GORASP2: variants seen among roughly 807,000 people sequenced by gnomAD.
GORASP2 encodes the protein golgi reassembly stacking protein 2.
In GORASP2, 22 loss-of-function variants were observed where a neutral mutation model predicts 45.7. That is an observed-to-expected ratio of 0.48 (90% confidence interval 0.34 to 0.69). GORASP2 has a LOEUF of 0.69. Among genes scored for constraint, GORASP2 ranks in the 30% least tolerant of loss-of-function variants. GORASP2 has a pLI of 0.01. For missense variants in GORASP2, 491 were observed against 562.7 expected (o/e 0.87, Z 1.29); for synonymous variants, 221 against 215.6 (o/e 1.02, Z -0.22).
intron 1 of GORASP2, among the ~76,000 whole-genome samples, chr2:170,935,328 C>CA (rs1313884741): frequency 6.6e-6 from 1 of 151,978 alleles, no homozygotes; most frequent in Non-Finnish European, 1.5e-5. Context: ...GATCTCAGCT[C>CA]ACTGCAACTT....
intron 1 of GORASP2, among the ~76,000 whole-genome samples, chr2:170,930,769 G>A (rs887134086): frequency 6.6e-6 from 1 of 152,190 alleles, no homozygotes; most frequent in African/African-American, 2.4e-5. Flanking sequence ...AAGGAGAATT[G>A]TCAGTTCCCA....
intron 5 of GORASP2, among the ~76,000 whole-genome samples, chr2:170,952,125 G>T (rs1460440256): frequency 1.3e-5 from 2 of 152,180 alleles, no homozygotes; most frequent in African/African-American, 2.4e-5. Context: ...CAAATTTTCA[G>T]TTTGCAATAG....
chr2:170,965,786 C>T lies in GORASP2; in HGVS notation c.1019-4C>T. The T allele has an allele frequency of 6.2e-7, 1 of 1,609,766 alleles. No homozygotes were observed. The highest frequency in any genetic ancestry group is 8.5e-7 in the Non-Finnish European group (1 of 1,176,096). Reference sequence around the variant, plus strand: ...ATGTATGATCTATGCCGTTTTTGTCCTAGGTCTGCCACCTCTTCCTTCCAT... The same window carrying T: ...ATGTATGATCTATGCCGTTTTTGTCTTAGGTCTGCCACCTCTTCCTTCCAT... On this transcript the variant is annotated splice_region_variant and splice_polypyrimidine_tract_variant and intron_variant, in intron 9 of 9. Transcript: ENST00000234160.
chr2:170,955,473 TAAG>T (rs950945630), intron 6 of GORASP2, among the ~76,000 whole-genome samples: 1 of 152,194 alleles, frequency 6.6e-6, no homozygotes, highest in African/African-American at 2.4e-5. Flanking sequence ...GAATGTTTCT[TAAG>T]GAGGTATCTC....
In GORASP2 at chr2:170,965,949, C is replaced by T. The variant is rs200636016; in HGVS notation, c.1178C>T (p.Ala393Val). The T allele has an allele frequency of 2.7e-5, 43 of 1,613,994 alleles. No individual in the cohort carries two copies. The East Asian group carries it at 6.9e-4, about 26-fold the overall frequency. The change falls in exon 10 of 10, where the codon GCA (alanine) becomes GTA (valine). Residue 393 changes from alanine (A) to valine (V), a missense_variant. Ala to Val is a moderately conservative substitution (Grantham distance 64). This residue lies in a region of GORASP2 where 297 missense variants were observed against 292.3 expected (regional missense o/e 1.02). Coordinates refer to ENST00000234160, the MANE Select transcript of GORASP2 (RefSeq NM_015530.5). The part of the protein sequence containing the change: ...LLSSLPPTSN[A>V]PSDPATTTAK... ...TCTTCCCTCCCGCCCACCAGCAACG[C>T]ACCCTCCGACCCTGCCACAACTACT...
intron 1 of GORASP2, among the ~76,000 whole-genome samples, chr2:170,947,650 T>G (rs925124157): frequency 6.6e-6 from 1 of 152,186 alleles, no homozygotes; most frequent in African/African-American, 2.4e-5. Flanking sequence ...CTGTATTTGC[T>G]TTGTAACTGA....
At chr2:170,936,946 C>T (rs1034701760) in intron 1 of GORASP2, among the ~76,000 whole-genome samples, 1 of 152,150 alleles carries the variant, frequency 6.6e-6, no homozygotes. Flanking sequence ...CGGTGGCTCA[C>T]GCCTGTAATC....
chr2:170,935,388 G>A (rs1366250722), intron 1 of GORASP2, among the ~76,000 whole-genome samples: 5 of 151,932 alleles, frequency 3.3e-5, no homozygotes, highest in African/African-American at 1.2e-4. Flanking sequence ...CCAAGTGGCT[G>A]GGATTATAGG....
At chr2:170,956,922 A>G (rs1341405863) in intron 7 of GORASP2, among the ~76,000 whole-genome samples, 3 of 152,186 alleles carry the variant, frequency 2.0e-5, no homozygotes, top group Non-Finnish European at 4.4e-5. Flanking sequence ...AGAATTTTAA[A>G]AAATTATTTT....
intron 1 of GORASP2, among the ~76,000 whole-genome samples, chr2:170,934,784 C>T (rs1440458072): frequency 2.0e-5 from 3 of 152,064 alleles, no homozygotes; most frequent in Non-Finnish European, 4.4e-5. Flanking sequence ...GTTGCCACGG[C>T]TGGAGTGCAG....
chr2:170,952,690 TTTTG>T lies in GORASP2; in HGVS notation c.566+1245_566+1248del, dbSNP rs559639211. On this transcript the variant is annotated intron_variant, in intron 5 of 9. Transcript: ENST00000234160. ...TCCCAGTCCAGTGAGAATTGCAGGG[TTTTG>T]TTTGTTTGTTTGGAGACAGCGTCTT... 1.7e-3 allele frequency among the ~76,000 whole-genome samples: 258 copies of T among 152,162 alleles called. 2 individuals are homozygous for T. Among genetic ancestry groups the T allele is most frequent in the Middle Eastern group, 0.014 (4 of 294 alleles).
chr2:170,951,549 TAC>T, intron 5 of GORASP2, 91 bp downstream of exon 5: 1 of 1,045,066 alleles, frequency 9.6e-7, no homozygotes, highest in East Asian at 2.5e-5. Flanking sequence ...TGAAAGAAAT[TAC>T]TGGTTTATTT....
chr2:170,961,763 G>C lies in GORASP2; in HGVS notation c.910+14G>C. On this transcript the variant is annotated intron_variant, in intron 8 of 9. Transcript: ENST00000234160. ...CTACATTACCAGGTAACCACCAGGG[G>C]ACTAGAGATGTGGCTGATAATAACA... The C allele has an allele frequency of 1.5e-6, 2 of 1,293,722 alleles. No homozygotes were observed. Among genetic ancestry groups the C allele is most frequent in the Non-Finnish European group, 2.3e-6 (2 of 887,090 alleles). 80.1% of individuals were successfully genotyped at this position (1,293,722 alleles called of 1,614,324 possible).
In GORASP2 at chr2:170,950,249, C is replaced by T. The variant is rs1237095516; in HGVS notation, c.394C>T (p.His132Tyr). 6.3e-7 allele frequency: 1 copy of T among 1,581,238 alleles called. No homozygotes were observed. Among genetic ancestry groups the T allele is most frequent in the Non-Finnish European group, 8.6e-7 (1 of 1,159,782 alleles). Residue 132 changes from histidine (H) to tyrosine (Y), a missense_variant, in exon 4 of 10, where the codon CAC becomes TAC. His to Tyr is a moderately conservative substitution (Grantham distance 83). This residue lies in a region of GORASP2 where 194 missense variants were observed against 270.4 expected (regional missense o/e 0.72). Transcript: ENST00000234160. ...SPAALAGLRP[H>Y]SDYIIGADTV... ...TGCAGCACTGGCAGGTCTTAGACCA[C>T]ACAGTGATTATATAATTGGAGCAGA...
intron 9 of GORASP2, among the ~76,000 whole-genome samples, chr2:170,963,936 C>T (rs968782052): frequency 6.6e-6 from 1 of 151,910 alleles, no homozygotes; most frequent in Admixed American, 6.6e-5. Flanking sequence ...TGAGCCATCT[C>T]ACCCAGCCAG....
Position 170,951,285 on chromosome 2 carries a change from A to G in GORASP2, c.436-43A>G, listed in dbSNP as rs773411144. 6.5e-6 allele frequency: 10 copies of G among 1,530,288 alleles called. No individual in the cohort carries two copies. The South Asian group carries it at 1.1e-4, about 18-fold the overall frequency. 94.8% of individuals were successfully genotyped at this position (1,530,288 alleles called of 1,614,324 possible). On this transcript the variant is annotated intron_variant, in intron 4 of 9. Coordinates refer to ENST00000234160, the MANE Select transcript of GORASP2 (RefSeq NM_015530.5). ...CCAGGTTTGAGACACACTGTTCCAA[A>G]GTATGGTAACGTGAAACATTTTCTC...
chr2:170,949,899 A>AT (rs558952912), intron 3 of GORASP2, 157 bp downstream of exon 3: 113 of 612,238 alleles, frequency 1.8e-4, no homozygotes, highest in Admixed American at 2.4e-4. Flanking sequence ...GTATGGATCA[A>AT]TTTTTTTTTA....
At chr2:170,943,373 T>C (rs187649603) in intron 1 of GORASP2, among the ~76,000 whole-genome samples, 1 of 152,262 alleles carries the variant, frequency 6.6e-6, no homozygotes, top group East Asian at 1.9e-4. Flanking sequence ...TATAAAGACT[T>C]ACCCTCAGAT....
At chr2:170,942,312 C>T (rs192328000) in intron 1 of GORASP2, among the ~76,000 whole-genome samples, 1 of 152,234 alleles carries the variant, frequency 6.6e-6, no homozygotes, top group African/African-American at 2.4e-5. Flanking sequence ...GCAACCATCA[C>T]CACTGCCTAA....
Sources: allele counts gnomAD v4.1 joint callset (sites outside exome capture counted in the v4.1 genomes callset), GRCh38; gene constraint gnomAD v4.1.1; regional missense constraint gnomAD v4.1.1; transcripts MANE v1.5; gene names NCBI Gene and HGNC (gene_info 2026-07-23, HGNC 2026-07-21).